The following FNIP1 variants were observed in gnomAD, a reference collection of about 807,000 sequenced individuals.
The protein encoded by FNIP1 is folliculin-interacting protein 1.
A neutral mutation model predicts 124.5 loss-of-function variants in FNIP1; 40 were observed. That is an observed-to-expected ratio of 0.32 (90% confidence interval 0.25 to 0.42). FNIP1 has a LOEUF of 0.42. FNIP1 is among the 10% of genes least tolerant of loss of function. FNIP1 has a pLI of 1.00. For missense variants in FNIP1, 1,176 were observed against 1,403.7 expected, an observed-to-expected ratio of 0.84 and a Z score of 2.59; for synonymous variants, 472 against 470.6, an observed-to-expected ratio of 1.00 and a Z score of -0.04.
rs1459091609 is a variant in FNIP1, at chr5:131,744,634, C to G, written c.149G>C (p.Cys50Ser). Residue 50 changes from cysteine (C) to serine (S), a missense_variant, in exon 2 of 18, where the codon TGT becomes TCT. By Grantham distance (112) the Cys-to-Ser change is moderately radical. Around this residue, in one of 2 missense-constraint regions of FNIP1, gnomAD observed 1,109 missense variants for 1,288.5 expected, o/e 0.86. Transcript: ENST00000510461. ...SQIRLIVYQD[C>S]ERRGRNVLFD... Reference sequence around the variant, plus strand: ...CAAAACATTTCTCCCTCGTCTTTCACAGTCTTGATATACAATCAGTCGAAT... The same window carrying G: ...CAAAACATTTCTCCCTCGTCTTTCAGAGTCTTGATATACAATCAGTCGAAT... The G allele has an allele frequency of 1.9e-6, 3 of 1,612,372 alleles. No individual in the cohort carries two copies. Among genetic ancestry groups the G allele is most frequent in the Non-Finnish European group, 2.5e-6 (3 of 1,179,254 alleles).
At chr5:131,777,921 T>C (rs1222288026) in intron 1 of FNIP1, among the ~76,000 whole-genome samples, 1 of 152,152 alleles carries the variant, frequency 6.6e-6, no homozygotes, top group Non-Finnish European at 1.5e-5. Flanking sequence ...GAAATAATAA[T>C]TACTGTAATC....
chr5:131,777,592 T>G (rs1311658847), intron 1 of FNIP1, among the ~76,000 whole-genome samples: 1 of 151,992 alleles, frequency 6.6e-6, no homozygotes, highest in Non-Finnish European at 1.5e-5. Flanking sequence ...AAAGGAAATA[T>G]CAACCAAAAA....
chr5:131,747,979 A>T lies in FNIP1; in HGVS notation c.93-3289T>A, dbSNP rs544660095. On this transcript the variant is annotated intron_variant, in intron 1 of 17. Coordinates refer to ENST00000510461, the MANE Select transcript of FNIP1 (RefSeq NM_133372.3). ...TCTCACACTAGGATGGAAAGAAAGG[A>T]GATAAAGATGTACATGGGTGCAGAA... Among the ~76,000 whole-genome samples the T allele has an allele frequency of 3.9e-5, 6 of 152,128 alleles. No homozygotes were observed. The East Asian group carries it at 1.2e-3, about 29-fold the overall frequency.
At chr5:131,745,626 C>T (rs1240190551) in intron 1 of FNIP1, among the ~76,000 whole-genome samples, 2 of 151,856 alleles carry the variant, frequency 1.3e-5, no homozygotes, top group Non-Finnish European at 2.9e-5. Context: ...TGTGTGTATA[C>T]ATACACACAC....
At chr5:131,724,383 C>T (rs1270360030) in intron 3 of FNIP1, among the ~76,000 whole-genome samples, 1 of 152,174 alleles carries the variant, frequency 6.6e-6, no homozygotes, top group Non-Finnish European at 1.5e-5. Context: ...TGTTTCCTGA[C>T]TTTTTAATGA....
At chr5:131,713,444 C>T (rs1031708623) in intron 6 of FNIP1, among the ~76,000 whole-genome samples, 2 of 152,154 alleles carry the variant, frequency 1.3e-5, no homozygotes, top group Non-Finnish European at 2.9e-5. Flanking sequence ...CATTCCCGTG[C>T]TTTCAATTAT....
intron 12 of FNIP1, among the ~76,000 whole-genome samples, chr5:131,678,760 T>C (rs1767984745): frequency 6.6e-6 from 1 of 152,152 alleles, no homozygotes; most frequent in Non-Finnish European, 1.5e-5. Flanking sequence ...TATAAATGGA[T>C]ACAACTCACA....
intron 6 of FNIP1, among the ~76,000 whole-genome samples, chr5:131,715,781 A>T (rs1379978959): frequency 1.3e-5 from 2 of 152,076 alleles, no homozygotes; most frequent in African/African-American, 4.8e-5. Flanking sequence ...AAAATAAATA[A>T]TAGGATGTCA....
In FNIP1 at chr5:131,643,078, T is replaced by G. The variant is rs535434036; in HGVS notation, c.*1607A>C. 6.6e-6 allele frequency: 1 copy of G among 152,328 alleles called. No homozygotes were observed. Among genetic ancestry groups the G allele is most frequent in the South Asian group, 2.1e-4 (1 of 4,822 alleles). The allele number at this position is 152,328 out of a possible 1,614,324, so 9.4% of individuals were successfully genotyped here. A position where few individuals can be genotyped will look rare whatever the true frequency, so the allele number is the denominator to read the frequency against. On this transcript the variant is annotated 3_prime_UTR_variant, in exon 18 of 18. Transcript: ENST00000510461. Reference sequence around the variant, plus strand: ...AGTCATCCATGGGAGACTCAGGTAATAACTGGGACTAGGTAAAAGGTCATG... The same window carrying G: ...AGTCATCCATGGGAGACTCAGGTAAGAACTGGGACTAGGTAAAAGGTCATG...
chr5:131,767,279 A>C (rs570823552), intron 1 of FNIP1, among the ~76,000 whole-genome samples: 83 of 151,974 alleles, frequency 5.5e-4, no homozygotes, highest in Middle Eastern at 3.4e-3. Flanking sequence ...TAAAAATACA[A>C]AAATTAGCTG....
chr5:131,787,475 C>A (rs552431521), intron 1 of FNIP1, among the ~76,000 whole-genome samples: 1 of 152,292 alleles, frequency 6.6e-6, no homozygotes, highest in South Asian at 2.1e-4. Context: ...GTCCATCACA[C>A]CAGCTACAAC....
chr5:131,704,089 G>A lies in FNIP1; in HGVS notation c.1092C>T (p.Asn364=). 1 of 1,610,862 alleles carries A rather than the reference G, an allele frequency of 6.2e-7. No individual in the cohort carries two copies. The highest frequency in any genetic ancestry group is 8.5e-7 in the Non-Finnish European group (1 of 1,177,560). ...SHFPLFESHM[N]KLKSAIEQAM... Reference sequence around the variant, plus strand: ...CCTGTTCTATTGCACTCTTTAATTTGTTCATGTGGCTTTCAAAGAGAGGAA... The same window carrying A: ...CCTGTTCTATTGCACTCTTTAATTTATTCATGTGGCTTTCAAAGAGAGGAA... The change falls in exon 10 of 18, where the codon AAC becomes AAT. Residue 364 remains asparagine, a synonymous_variant. Coordinates refer to ENST00000510461, the MANE Select transcript of FNIP1 (RefSeq NM_133372.3).
At chr5:131,696,186 T>C (rs894483831) in intron 11 of FNIP1, among the ~76,000 whole-genome samples, 2 of 152,206 alleles carry the variant, frequency 1.3e-5, no homozygotes, top group Non-Finnish European at 1.5e-5. Flanking sequence ...AACAGGGCTA[T>C]ATAAATTGAG....
At chr5:131,647,249 G>T in intron 16 of FNIP1, 44 bp from the exon 17 acceptor site, 1 of 1,423,418 alleles carries the variant, frequency 7.0e-7, no homozygotes, top group Non-Finnish European at 9.9e-7. Flanking sequence ...AAAACAGTTT[G>T]CAACTCTCAG....
intron 1 of FNIP1, among the ~76,000 whole-genome samples, chr5:131,785,168 A>ATATATAGTCATATATATGATATATATGAC (rs1772160046): frequency 1.2e-5 from 1 of 86,102 alleles, no homozygotes; most frequent in Non-Finnish European, 2.6e-5. Flanking sequence ...ATATATGACT[A>ATATATAGTCATATATATGATATATATGAC]TATATATATC....
At chr5:131,721,183 G>A (rs1025529558) in intron 3 of FNIP1, among the ~76,000 whole-genome samples, 4 of 152,060 alleles carry the variant, frequency 2.6e-5, no homozygotes, top group Admixed American at 2.0e-4. Context: ...CACGCAACAC[G>A]GATGAATCTT....
intron 11 of FNIP1, among the ~76,000 whole-genome samples, chr5:131,692,177 GAACT>G (rs1445307127): frequency 6.6e-6 from 1 of 152,078 alleles, no homozygotes; most frequent in African/African-American, 2.4e-5. Context: ...ACAACTGTTG[GAACT>G]AATAAATGAT....
intron 10 of FNIP1, among the ~76,000 whole-genome samples, chr5:131,702,863 T>C (rs1003072421): frequency 6.6e-6 from 1 of 152,230 alleles, no homozygotes; most frequent in Non-Finnish European, 1.5e-5. Flanking sequence ...CCAATCCTTT[T>C]CCTTCGCCTC....
chr5:131,672,866 G>A lies in FNIP1; in HGVS notation c.1578C>T (p.Gly526=). Residue 526 remains glycine, a synonymous_variant, in exon 14 of 18, where the codon GGC becomes GGT. Transcript: ENST00000510461. Reference sequence around the variant, plus strand: ...GCCTCTGGACCATGTCTTGTCGTTTGCCAACTACCACAGTCCTTGCTAACC... The same window carrying A: ...GCCTCTGGACCATGTCTTGTCGTTTACCAACTACCACAGTCCTTGCTAACC... ...PVRLARTVVV[G]KRQDMVQRLL... is the part of the protein sequence containing the mutation. 6 of 1,604,096 alleles carry A rather than the reference G, an allele frequency of 3.7e-6. No homozygotes were observed. The highest frequency in any genetic ancestry group is 5.1e-6 in the Non-Finnish European group (6 of 1,175,638).
Sources: gnomAD v4.1 joint callset for allele counts (sites outside exome capture counted in the v4.1 genomes callset) on GRCh38, gnomAD v4.1.1 for gene constraint, gnomAD v4.1.1 regional missense constraint, MANE v1.5 for transcripts, NCBI Gene and HGNC (gene_info 2026-07-23, HGNC 2026-07-21) for gene names.